The following ERO1A variants were observed in gnomAD, a reference collection of about 807,000 sequenced individuals.
The protein encoded by ERO1A is ERO1-like protein alpha.
In ERO1A, 49 loss-of-function variants were observed where a neutral mutation model predicts 76.9. The observed-to-expected ratio is 0.64, with a 90% CI of 0.51 to 0.81. The LOEUF (loss-of-function observed/expected upper bound fraction) is 0.81, where lower values mean the gene tolerates loss of function less well. ERO1A is among the 30% of genes least tolerant of loss of function. ERO1A has a pLI of 0.00. For missense variants in ERO1A, 448 were observed against 542.1 expected, an observed-to-expected ratio of 0.83 and a Z score of 1.72; for synonymous variants, 174 against 181.2, an observed-to-expected ratio of 0.96 and a Z score of 0.32.
chr14:52,684,472 T>A (rs11157928), intron 1 of ERO1A, among the ~76,000 whole-genome samples: 22,750 of 152,172 alleles, frequency 0.15, 1,918 homozygotes, highest in South Asian at 0.26. Context: ...ATAGAGTATA[T>A]GCTACTTGGG....
chr14:52,646,581 A>G (rs2039665168), intron 13 of ERO1A, 120 bp from the exon 14 acceptor site: 1 of 658,796 alleles, frequency 1.5e-6, no homozygotes, highest in East Asian at 2.7e-5. Context: ...CAAAAATGAG[A>G]ACAGCACTAA....
In ERO1A at chr14:52,640,346, A is replaced by G. The variant is rs1026227825; in HGVS notation, c.*3224T>C. On this transcript the variant is annotated 3_prime_UTR_variant, in exon 16 of 16. Transcript: ENST00000395686. ...CTGCAAGATGCATAGGAATTTTCCA[A>G]GTGGGGAAGGATGACTAGCATACTT... The G allele has an allele frequency of 6.6e-6, 1 of 152,234 alleles. No homozygotes were observed. The highest frequency in any genetic ancestry group is 2.4e-5 in the African/African-American group (1 of 41,470). 9.4% of individuals were successfully genotyped at this position (152,234 alleles called of 1,614,324 possible). A position where few individuals can be genotyped will look rare whatever the true frequency, so the allele number is the denominator to read the frequency against.
Position 52,653,330 on chromosome 14 carries a change from G to A in ERO1A, c.809-15C>T, listed in dbSNP as rs765073762. The stretch of plus-strand genomic sequence containing the variant: ...TAACCAGGTCTCTAAGAAGGAAGAA[G>A]AATTAAATATTAAAAACTGAATTTG... On this transcript the variant is annotated splice_polypyrimidine_tract_variant and intron_variant, in intron 11 of 15. Coordinates refer to ENST00000395686, the MANE Select transcript of ERO1A (RefSeq NM_014584.3). 23 of 1,556,410 alleles carry A rather than the reference G, an allele frequency of 1.5e-5. No homozygotes were observed. Among genetic ancestry groups the A allele is most frequent in the Non-Finnish European group, 1.9e-5 (22 of 1,155,430 alleles).
At chr14:52,687,335 T>C (rs1594836263) in intron 1 of ERO1A, among the ~76,000 whole-genome samples, 1 of 151,332 alleles carries the variant, frequency 6.6e-6, no homozygotes, top group East Asian at 1.9e-4. Context: ...GAGGCTGAGG[T>C]GGGAGGATGG....
At chr14:52,694,110 C>T (rs2041456416) in intron 1 of ERO1A, among the ~76,000 whole-genome samples, 1 of 152,042 alleles carries the variant, frequency 6.6e-6, no homozygotes, top group South Asian at 2.1e-4. Context: ...TTACATTGGA[C>T]ATCTTCTTTC....
chr14:52,691,776 T>A (rs2041362537), intron 1 of ERO1A, among the ~76,000 whole-genome samples: 1 of 152,222 alleles, frequency 6.6e-6, no homozygotes, highest in Non-Finnish European at 1.5e-5. Context: ...ACTAGCCATA[T>A]TAAGATTGAT....
intron 2 of ERO1A, 131 bp from the exon 3 acceptor site, chr14:52,682,539 T>C (rs1792313821): frequency 6.2e-6 from 4 of 640,930 alleles, no homozygotes; most frequent in African/African-American, 1.8e-5. Flanking sequence ...CACCTATCTG[T>C]TGCCAGTTTA....
At chr14:52,674,907 T>C (rs1206948771) in intron 4 of ERO1A, among the ~76,000 whole-genome samples, 1 of 152,228 alleles carries the variant, frequency 6.6e-6, no homozygotes, top group East Asian at 1.9e-4. Flanking sequence ...TAAACAAATA[T>C]TGGACTCTAG....
chr14:52,669,877 T>C (rs960769487), intron 6 of ERO1A, among the ~76,000 whole-genome samples: 7 of 152,220 alleles, frequency 4.6e-5, no homozygotes, highest in Non-Finnish European at 1.0e-4. Context: ...GTAGGCTGCA[T>C]CTTTGGCTTA....
chr14:52,649,652 A>C (rs1006232805), intron 13 of ERO1A, among the ~76,000 whole-genome samples: 52 of 152,060 alleles, frequency 3.4e-4, no homozygotes, highest in African/African-American at 1.2e-3. Flanking sequence ...AGTAAACTAA[A>C]AAAAAAAAGG....
At chr14:52,686,069 G>A (rs190826076) in intron 1 of ERO1A, among the ~76,000 whole-genome samples, 26 of 152,276 alleles carry the variant, frequency 1.7e-4, no homozygotes, top group African/African-American at 3.1e-4. Flanking sequence ...AAAATTAGCC[G>A]GGCATGGTGG....
At chr14:52,671,543 C>A in intron 6 of ERO1A, 87 bp downstream of exon 6, 2 of 884,224 alleles carry the variant, frequency 2.3e-6, no homozygotes, top group East Asian at 5.5e-5. Context: ...TACAGGCACA[C>A]CACCATGCCC....
At chr14:52,655,710 G>A (rs939481310) in intron 11 of ERO1A, among the ~76,000 whole-genome samples, 1 of 151,592 alleles carries the variant, frequency 6.6e-6, no homozygotes, top group Non-Finnish European at 1.5e-5. Context: ...TCACCTAACT[G>A]TAGTCAACTT....
chr14:52,674,077 A>C (rs1220526369), intron 4 of ERO1A, among the ~76,000 whole-genome samples: 1 of 152,252 alleles, frequency 6.6e-6, no homozygotes, highest in Non-Finnish European at 1.5e-5. Flanking sequence ...GTACTACCAC[A>C]AACAAATATT....
intron 1 of ERO1A, among the ~76,000 whole-genome samples, chr14:52,688,902 T>A (rs1372982262): frequency 1.3e-5 from 2 of 152,254 alleles, no homozygotes; most frequent in African/African-American, 2.4e-5. Flanking sequence ...ATTCTAGTCT[T>A]ATTATACATT....
intron 4 of ERO1A, among the ~76,000 whole-genome samples, chr14:52,676,157 C>T (rs1482642580): frequency 6.6e-6 from 1 of 152,182 alleles, no homozygotes. Flanking sequence ...GATGAACTAT[C>T]AGGAGAAATG....
At chr14:52,651,951 C>T (rs2039882078) in intron 13 of ERO1A, among the ~76,000 whole-genome samples, 1 of 151,882 alleles carries the variant, frequency 6.6e-6, no homozygotes, top group African/African-American at 2.4e-5. Flanking sequence ...CATCCACTCC[C>T]CACCCCCAGC....
intron 9 of ERO1A, chr14:52,658,457 C>A: frequency 4.2e-6 from 1 of 236,130 alleles, no homozygotes; most frequent in African/African-American, 2.3e-5. Context: ...GTAAATCAGT[C>A]AAGAATGGGA....
intron 11 of ERO1A, among the ~76,000 whole-genome samples, chr14:52,655,652 T>C (rs1201397372): frequency 6.6e-6 from 1 of 151,942 alleles, no homozygotes; most frequent in Admixed American, 6.6e-5. Context: ...TTATTTTATG[T>C]GATTTTTTTT....
Sources: allele counts gnomAD v4.1 joint callset (sites outside exome capture counted in the v4.1 genomes callset), GRCh38; gene constraint gnomAD v4.1.1; transcripts MANE v1.5; gene names NCBI Gene and HGNC (gene_info 2026-07-23, HGNC 2026-07-21).